Variants in AFAP1 observed in about 807,000 individuals in gnomAD.
AFAP1 encodes the protein actin filament-associated protein 1.
Under a neutral mutation model 93.9 loss-of-function variants are expected in AFAP1, and 75 were observed. The ratio of observed to expected loss-of-function variants is 0.80; its 90% CI spans 0.66 to 0.97. The LOEUF is 0.97. AFAP1 is among the 50% of genes least tolerant of loss of function. The probability of loss-of-function intolerance (pLI) is 0.00; values close to 1 mark genes in which losing one functional copy is unlikely to be tolerated. For missense variants in AFAP1, 1,201 were observed against 1,050.8 expected, an observed-to-expected ratio of 1.14 and a Z score of -1.98; for synonymous variants, 517 against 430.7, an observed-to-expected ratio of 1.20 and a Z score of -2.48.
At chr4:7,870,385 C>G (rs1027851140) in intron 2 of AFAP1, among the ~76,000 whole-genome samples, 1 of 152,134 alleles carries the variant, frequency 6.6e-6, no homozygotes, top group East Asian at 1.9e-4. Flanking sequence ...TCAGGCCAGG[C>G]GCAATGGTTC....
intron 1 of AFAP1, among the ~76,000 whole-genome samples, chr4:7,898,638 G>C (rs1043143165): frequency 1.6e-5 from 2 of 126,254 alleles, no homozygotes; most frequent in Non-Finnish European, 3.3e-5. Flanking sequence ...AAATTCAAGA[G>C]TTAAACAAAG....
intron 1 of AFAP1, among the ~76,000 whole-genome samples, chr4:7,878,731 ACT>A (rs1015830157): frequency 3.9e-5 from 6 of 152,208 alleles, no homozygotes. Context: ...CAAGATAGAC[ACT>A]GTTTTCACCA....
intron 9 of AFAP1, among the ~76,000 whole-genome samples, chr4:7,806,752 G>T (rs1489133365): frequency 6.6e-6 from 1 of 152,202 alleles, no homozygotes; most frequent in Non-Finnish European, 1.5e-5. Flanking sequence ...TGTGGACAGA[G>T]GATGTTCTGT....
chr4:7,878,183 T>C (rs1008825093), intron 1 of AFAP1, among the ~76,000 whole-genome samples: 13 of 152,190 alleles, frequency 8.5e-5, no homozygotes, highest in Non-Finnish European at 1.5e-5. Flanking sequence ...TCTGGAGATT[T>C]TCCTATAAAT....
intron 10 of AFAP1, chr4:7,799,172 T>C (rs1718780357): frequency 1.2e-6 from 1 of 809,358 alleles, no homozygotes; most frequent in African/African-American, 1.9e-5. Context: ...GAGCTGAGAC[T>C]GGAACCCAGC....
chr4:7,807,750 GA>G (rs1719652273), intron 9 of AFAP1, among the ~76,000 whole-genome samples: 1 of 152,222 alleles, frequency 6.6e-6, no homozygotes, highest in Non-Finnish European at 1.5e-5. Flanking sequence ...AAGTCAGTAT[GA>G]CGCAACTTCC....
At chr4:7,842,753 C>T (rs78982610) in intron 5 of AFAP1, 2,500 of 165,526 alleles carry the variant, frequency 0.015, 46 homozygotes, top group African/African-American at 0.046. Flanking sequence ...CTGGCTGCTC[C>T]CCGTCCCACT....
intron 10 of AFAP1, among the ~76,000 whole-genome samples, chr4:7,798,286 G>T (rs889141513): frequency 6.8e-6 from 1 of 146,498 alleles, no homozygotes; most frequent in Non-Finnish European, 1.5e-5. Flanking sequence ...TCTACTGGCT[G>T]GCTCACGGCA....
In AFAP1 at chr4:7,836,819, T is replaced by C. The variant is rs548354139; in HGVS notation, c.726+1705A>G. On this transcript the variant is annotated intron_variant, in intron 6 of 17. Transcript: ENST00000420658. ...GGTGATGGCTGCACAACTCAGTGAA[T>C]ATACCAAAAAAAAAAACACAAACCA... Among the ~76,000 whole-genome samples the C allele has an allele frequency of 6.7e-5, 10 of 149,102 alleles. No homozygotes were observed. In the East Asian group the frequency reaches 9.7e-4, roughly 14 times the overall value.
chr4:7,793,890 G>A (rs1718134570), intron 10 of AFAP1, 64 bp from the exon 11 acceptor site: 3 of 1,406,586 alleles, frequency 2.1e-6, no homozygotes, highest in South Asian at 3.6e-5. Flanking sequence ...TCATAAATGT[G>A]TCAATAAAGA....
At chr4:7,917,405 G>T (rs1560235298) in intron 1 of AFAP1, among the ~76,000 whole-genome samples, 1 of 152,188 alleles carries the variant, frequency 6.6e-6, no homozygotes, top group Non-Finnish European at 1.5e-5. Flanking sequence ...AATACACCCA[G>T]TGTTATTAGT....
chr4:7,799,549 C>T (rs1357700003), intron 10 of AFAP1, among the ~76,000 whole-genome samples: 1 of 152,188 alleles, frequency 6.6e-6, no homozygotes, highest in Non-Finnish European at 1.5e-5. Context: ...GCACGCCTCA[C>T]ATGAACTGGT....
chr4:7,857,439 C>T (rs183600266), intron 3 of AFAP1, among the ~76,000 whole-genome samples: 220 of 152,252 alleles, frequency 1.4e-3, no homozygotes, highest in Non-Finnish European at 2.8e-3. Context: ...AGAGTTACCT[C>T]CCTCCCGCCC....
chr4:7,841,865 G>C (rs900750922), intron 5 of AFAP1, among the ~76,000 whole-genome samples: 3 of 150,896 alleles, frequency 2.0e-5, no homozygotes, highest in Middle Eastern at 6.8e-3. Flanking sequence ...CAAAGCAGGG[G>C]AGGGGGGAAG....
intron 11 of AFAP1, among the ~76,000 whole-genome samples, chr4:7,791,641 C>T (rs572876466): frequency 6.6e-6 from 1 of 151,582 alleles, no homozygotes; most frequent in South Asian, 2.1e-4. Flanking sequence ...CCCAGGAGTC[C>T]AGGAGTTTGA....
chr4:7,793,827 C>A lies in AFAP1; in HGVS notation c.1267-1G>T. 1.3e-6 allele frequency: 2 copies of A among 1,523,896 alleles called. No individual in the cohort carries two copies. The highest frequency in any genetic ancestry group is 1.3e-5 in the South Asian group (1 of 78,550). The allele number at this position is 1,523,896 out of a possible 1,614,324, so 94.4% of individuals were successfully genotyped here. A position where few individuals can be genotyped will look rare whatever the true frequency, so the allele number is the denominator to read the frequency against. ...TGCCCATGTCTTCAGAAGAAGATGCCTGTTGAAGTGGGAAAAAAGGTAGGC... is the reference window on the plus strand; with the variant it reads ...TGCCCATGTCTTCAGAAGAAGATGCATGTTGAAGTGGGAAAAAAGGTAGGC... On this transcript the variant is annotated splice_acceptor_variant, in intron 10 of 17. Transcript: ENST00000420658. LOFTEE classifies it high-confidence loss of function.
intron 1 of AFAP1, among the ~76,000 whole-genome samples, chr4:7,901,981 G>C (rs1023885580): frequency 2.6e-5 from 4 of 152,156 alleles, no homozygotes; most frequent in African/African-American, 9.7e-5. Flanking sequence ...TACCATTAAA[G>C]AAATGCTTAA....
chr4:7,890,929 G>T (rs929215389), intron 1 of AFAP1, among the ~76,000 whole-genome samples: 2 of 152,052 alleles, frequency 1.3e-5, no homozygotes, highest in Non-Finnish European at 2.9e-5. Flanking sequence ...ATTTACCTAA[G>T]AGACATTACT....
chr4:7,827,569 CAAAAAAAAA>C (rs58075483), intron 6 of AFAP1, among the ~76,000 whole-genome samples: 3 of 52,256 alleles, frequency 5.7e-5, no homozygotes, highest in Non-Finnish European at 6.9e-5. Flanking sequence ...ACTCTGTCTC[CAAAAAAAAA>C]AAAAAAAAAA....
Sources: gnomAD v4.1 joint callset for allele counts (sites outside exome capture counted in the v4.1 genomes callset) on GRCh38, gnomAD v4.1.1 for gene constraint, MANE v1.5 for transcripts, NCBI Gene and HGNC (gene_info 2026-07-23, HGNC 2026-07-21) for gene names.